ENTPD2: variants seen among roughly 807,000 people sequenced by gnomAD.
The protein encoded by ENTPD2 is ectonucleoside triphosphate diphosphohydrolase 2.
ENTPD2 carries 48 observed loss-of-function variants against 46.8 expected under a neutral mutation model. The ratio of observed to expected loss-of-function variants is 1.03; its 90% CI spans 0.81 to 1.30. ENTPD2 has a LOEUF of 1.30. ENTPD2 is among the 50% of genes most tolerant of loss of function. ENTPD2 has a pLI of 0.00. For synonymous variants in ENTPD2, 316 were observed against 286.1 expected (o/e 1.10, Z -1.06); for missense variants, 707 against 651.1 (o/e 1.09, Z -0.93).
Position 137,051,126 on chromosome 9 carries a change from C to G in ENTPD2, c.550G>C (p.Gly184Arg), listed in dbSNP as rs1167882470. ...NYLLENFIKY[G>R]WVGRWFRPRK... is the part of the protein sequence containing the mutation. ...GGCCGGAACCACCGGCCCACCCAGC[C>G]GTACTGTGGAGAGGGGAGTGTGGGG... Residue 184 changes from glycine to arginine, a missense_variant, in exon 5 of 9, where the codon GGC becomes CGC. Gly to Arg is a moderately radical substitution (Grantham distance 125). Transcript: ENST00000355097. The G allele has an allele frequency of 9.3e-6, 15 of 1,612,842 alleles. No homozygotes were observed. Among genetic ancestry groups the G allele is most frequent in the Non-Finnish European group, 1.3e-5 (15 of 1,179,996 alleles).
rs1832293418 is a variant in ENTPD2, at chr9:137,051,381, CAG to C, written c.387-13_387-12del. 2.6e-6 allele frequency: 4 copies of C among 1,544,052 alleles called. No individual in the cohort carries two copies. The South Asian group carries it at 5.0e-5, about 19-fold the overall frequency. On this transcript the variant is annotated splice_polypyrimidine_tract_variant and intron_variant, in intron 3 of 8. Transcript: ENST00000355097. ...TCTGGATTGGTCAGGCTGCAAAACACAGAGAACTCCAAGAGGCCTTCTCCCCA... is the reference window on the plus strand; with the variant it reads ...TCTGGATTGGTCAGGCTGCAAAACACAGAACTCCAAGAGGCCTTCTCCCCA...
At chr9:137,049,763 C>T in intron 7 of ENTPD2, 107 bp downstream of exon 7, 1 of 1,313,686 alleles carries the variant, frequency 7.6e-7, no homozygotes, top group Non-Finnish European at 1.0e-6. Context: ...ATCGCCCCCA[C>T]TGCAGCGGGT....
Position 137,050,390 on chromosome 9 carries a change from T to C in ENTPD2, c.923A>G (p.His308Arg). 1 of 1,612,604 alleles carries C rather than the reference T, an allele frequency of 6.2e-7. No individual in the cohort carries two copies. The highest frequency in any genetic ancestry group is 1.3e-5 in the African/African-American group (1 of 74,866). Residue 308 changes from histidine to arginine, a missense_variant, in exon 6 of 9, where the codon CAC becomes CGC. By Grantham distance (29) the His-to-Arg change is conservative. Transcript: ENST00000355097. ...CCCAGAAACCAGATCTCGGCAGAGG[T>C]GGGGGTCACTGCTCCCTGACAGGCT... ...RVSLSGSSDP[H>R]LCRDLVSGLF...
Position 137,052,310 on chromosome 9 carries a change from G to A in ENTPD2, c.156C>T (p.Ser52=). The A allele has an allele frequency of 1.2e-6, 2 of 1,612,478 alleles. No homozygotes were observed. Among genetic ancestry groups the A allele is most frequent in the Non-Finnish European group, 1.7e-6 (2 of 1,179,768 alleles). Residue 52 remains serine (S), a synonymous_variant, in exon 2 of 9, where the codon TCC becomes TCT. Transcript: ENST00000355097. The part of the protein sequence containing the change: ...IVLDAGSSHT[S]MFIYKWPADK... Reference sequence around the variant, plus strand: ...CTGCCGGCCACTTGTAGATAAACATGGACGTGTGTGAAGAACCAGCGTCCA... The same window carrying A: ...CTGCCGGCCACTTGTAGATAAACATAGACGTGTGTGAAGAACCAGCGTCCA...
Position 137,050,000 on chromosome 9 carries a change from C to T in ENTPD2, c.1030-11G>A, listed in dbSNP as rs373369155. 7.8e-5 allele frequency: 126 copies of T among 1,609,024 alleles called. No homozygotes were observed. The African/African-American group carries it at 1.4e-3, about 18-fold the overall frequency. On this transcript the variant is annotated splice_polypyrimidine_tract_variant and intron_variant, in intron 6 of 8. Transcript: ENST00000355097. ...GAAGGCAGAGAAGGCCTGTAGGGGG[C>T]GCAGTCACACTGTGACCGAACCCCA...
At position 137,048,994 on chromosome 9, in the gene ENTPD2, G is replaced by C. The variant is rs1327362836; in HGVS notation, c.1231C>G (p.Arg411Gly). ...GAMFVQQLLS[R>G]GYGFDERAFG... ...GCGCGCTCGTCGAAGCCGTAGCCGC[G>C]ACTCAGCAGCTGCTGCACGAACATG... Residue 411 changes from arginine (R) to glycine (G), a missense_variant, in exon 8 of 9, where the codon CGC becomes GGC. Transcript: ENST00000355097. 3 of 1,536,664 alleles carry C rather than the reference G, an allele frequency of 2.0e-6. No individual in the cohort carries two copies. The highest frequency in any genetic ancestry group is 2.6e-6 in the Non-Finnish European group (3 of 1,144,814).
rs1383631254 is a variant in ENTPD2, at chr9:137,051,389, TC to T, written c.387-20del. 2.6e-6 allele frequency: 4 copies of T among 1,540,436 alleles called. No individual in the cohort carries two copies. In the African/African-American group the frequency reaches 5.5e-5, roughly 21 times the overall value. ...GGTCAGGCTGCAAAACACAGAGAAC[TC>T]CAAGAGGCCTTCTCCCCAGGTGGCT... On this transcript the variant is annotated intron_variant, in intron 3 of 8. Coordinates refer to ENST00000355097, the MANE Select transcript of ENTPD2 (RefSeq NM_203468.3).
intron 6 of ENTPD2, 42 bp from the exon 7 acceptor site, chr9:137,050,031 T>A: frequency 6.3e-7 from 1 of 1,584,516 alleles, no homozygotes; most frequent in African/African-American, 1.4e-5. Context: ...CCCCAGCGGC[T>A]CAGAGCACCT....
In ENTPD2 at chr9:137,048,345, T is replaced by G; in HGVS notation, c.*312A>C. The G allele has an allele frequency of 1.9e-4, 55 of 288,632 alleles. No homozygotes were observed. The highest frequency in any genetic ancestry group is 2.8e-4 in the East Asian group (3 of 10,612). 17.9% of individuals were successfully genotyped at this position (288,632 alleles called of 1,614,324 possible). On this transcript the variant is annotated 3_prime_UTR_variant, in exon 9 of 9. Transcript: ENST00000355097. ...GGCTGGAGGGGTTCAAGGAGCTGGATTGAGCGCTCTTTGCCCACCCAGGCT... is the reference window on the plus strand; with the variant it reads ...GGCTGGAGGGGTTCAAGGAGCTGGAGTGAGCGCTCTTTGCCCACCCAGGCT...
chr9:137,053,690 C>A (rs1196850872), intron 1 of ENTPD2, among the ~76,000 whole-genome samples, 191 bp downstream of exon 1: 3 of 152,094 alleles, frequency 2.0e-5, no homozygotes, highest in African/African-American at 7.2e-5. Context: ...AGCGCCACCG[C>A]CCCCCGCCCC....
rs540213991 is a variant in ENTPD2 at position 137,049,932 on chromosome 9, C to T, written c.1087G>A (p.Val363Met). The T allele has an allele frequency of 6.4e-5, 104 of 1,612,522 alleles. 3 individuals carry two copies. The South Asian group carries it at 1.1e-3, about 17-fold the overall frequency. ...DFLRTSMGLP[V>M]ATLQQLEAAA... ...GCCTCCAGCTGCTGCAGGGTGGCCA[C>T]GGGCAGCCCCATCGAAGTCCGCAAA... The change falls in exon 7 of 9, where the codon GTG (valine) becomes ATG (methionine). Residue 363 changes from valine (V) to methionine (M), a missense_variant. Coordinates refer to ENST00000355097, the MANE Select transcript of ENTPD2 (RefSeq NM_203468.3).
Position 137,048,786 on chromosome 9 carries a change from C to G in ENTPD2, c.1359G>C (p.Pro453=), listed in dbSNP as rs1411876390. ...NLTNLIPADP[P]GLRKGTDFSS... is the part of the protein sequence containing the mutation. ...TGAAGTCTGTGCCCTTGCGCAGCCC[C>G]GGCGGGTCGGCGGGGATCAGGTTGG... The change falls in exon 9 of 9, where the codon CCG becomes CCC. Residue 453 remains proline, a synonymous_variant. Coordinates refer to ENST00000355097, the MANE Select transcript of ENTPD2 (RefSeq NM_203468.3). 6.3e-7 allele frequency: 1 copy of G among 1,587,168 alleles called. No individual in the cohort carries two copies. The highest frequency in any genetic ancestry group is 8.6e-7 in the Non-Finnish European group (1 of 1,166,136).
In ENTPD2 at chr9:137,049,892, A is replaced by G. The variant is rs751002470; in HGVS notation, c.1127T>C (p.Val376Ala). The G allele has an allele frequency of 3.7e-6, 6 of 1,611,838 alleles. No individual in the cohort carries two copies. In the South Asian group the frequency reaches 6.6e-5, roughly 18 times the overall value. The change falls in exon 7 of 9, where the codon GTC becomes GCC. Residue 376 changes from valine (V) to alanine (A), a missense_variant. Physicochemically the swap from Val to Ala is moderately conservative, Grantham distance 64. Coordinates refer to ENST00000355097, the MANE Select transcript of ENTPD2 (RefSeq NM_203468.3). The part of the protein sequence containing the change: ...LQQLEAAAVN[V>A]CNQTWAQLQA... Reference sequence around the variant, plus strand: ...CACCTGAGCCCAGGTCTGGTTGCAGACATTCACTGCGGCTGCCTCCAGCTG... The same window carrying G: ...CACCTGAGCCCAGGTCTGGTTGCAGGCATTCACTGCGGCTGCCTCCAGCTG...
rs1391886602 is a variant in ENTPD2 at position 137,052,283 on chromosome 9, G to C, written c.183C>G (p.Asp61Glu). The C allele has an allele frequency of 1.9e-6, 3 of 1,612,288 alleles. No homozygotes were observed. Among genetic ancestry groups the C allele is most frequent in the Non-Finnish European group, 1.7e-6 (2 of 1,179,752 alleles). ...TSMFIYKWPA[D>E]KENDTGIVGQ... ...CCACAATGCCTGTGTCGTTCTCCTTGTCTGCCGGCCACTTGTAGATAAACA... is the reference window on the plus strand; with the variant it reads ...CCACAATGCCTGTGTCGTTCTCCTTCTCTGCCGGCCACTTGTAGATAAACA... Residue 61 changes from aspartate (D) to glutamate (E), a missense_variant, in exon 2 of 9, where the codon GAC becomes GAG. Coordinates refer to ENST00000355097, the MANE Select transcript of ENTPD2 (RefSeq NM_203468.3).
chr9:137,049,542 A>G, intron 7 of ENTPD2: 1 of 431,088 alleles, frequency 2.3e-6, no homozygotes, highest in East Asian at 5.2e-5. Flanking sequence ...CGGTGGGCAC[A>G]CTCCCGGTGC....
Position 137,051,237 on chromosome 9 carries a change from TGGCAGTCA to T in ENTPD2, c.512_519del (p.Val171GlufsTer39), listed in dbSNP as rs768782675. On this transcript the variant is annotated frameshift_variant, in exon 4 of 9. Coordinates refer to ENST00000355097, the MANE Select transcript of ENTPD2 (RefSeq NM_203468.3). LOFTEE classifies it high-confidence loss of function. ...TTGATGAAGTTCTCCAGCAGGTAGTTGGCAGTCACCCAGCCAAACACCCCCTCTTCCTG... is the reference window on the plus strand; with the variant it reads ...TTGATGAAGTTCTCCAGCAGGTAGTTCCCAGCCAAACACCCCCTCTTCCTG... 1.7e-5 allele frequency: 28 copies of T among 1,612,822 alleles called. No homozygotes were observed. Among genetic ancestry groups the T allele is most frequent in the Non-Finnish European group, 2.4e-5 (28 of 1,179,896 alleles).
chr9:137,049,084 C>T lies in ENTPD2; in HGVS notation c.1150-9G>A, dbSNP rs757422958. The T allele has an allele frequency of 1.0e-4, 158 of 1,531,434 alleles. No individual in the cohort carries two copies. The highest frequency in any genetic ancestry group is 1.3e-4 in the Non-Finnish European group (149 of 1,144,214). 94.9% of individuals were successfully genotyped at this position (1,531,434 alleles called of 1,614,324 possible). On this transcript the variant is annotated splice_polypyrimidine_tract_variant and intron_variant, in intron 7 of 8. Coordinates refer to ENST00000355097, the MANE Select transcript of ENTPD2 (RefSeq NM_203468.3). ...GGCACCCGAGCTTGCAGCTGGGACGCGGGCGGGACACCGTCAGGCAGGCGA... is the reference window on the plus strand; with the variant it reads ...GGCACCCGAGCTTGCAGCTGGGACGTGGGCGGGACACCGTCAGGCAGGCGA...
chr9:137,053,610 T>C (rs1832344139), intron 1 of ENTPD2, among the ~76,000 whole-genome samples: 1 of 152,154 alleles, frequency 6.6e-6, no homozygotes, highest in Admixed American at 6.5e-5. Context: ...GCCCCTGGGC[T>C]GCGTTGACGG....
rs1832194540 is a variant in ENTPD2, at chr9:137,048,850, G to C, written c.1295C>G (p.Thr432Ser). 2 of 1,543,462 alleles carry C rather than the reference G, an allele frequency of 1.3e-6. No homozygotes were observed. Among genetic ancestry groups the C allele is most frequent in the Non-Finnish European group, 1.7e-6 (2 of 1,146,610 alleles). The change falls in exon 9 of 9, where the codon ACT (threonine) becomes AGT (serine). Residue 432 changes from threonine (T) to serine (S), a missense_variant. Thr to Ser is a moderately conservative substitution (Grantham distance 58, BLOSUM62 1). Coordinates refer to ENST00000355097, the MANE Select transcript of ENTPD2 (RefSeq NM_203468.3). Reference sequence around the variant, plus strand: ...GTAGCCGAGCGCCCAGCCCACTGCAGTGTCCGCGGCCTGCGGGGAAGGGCG... The same window carrying C: ...GTAGCCGAGCGCCCAGCCCACTGCACTGTCCGCGGCCTGCGGGGAAGGGCG... ...GVIFQKKAAD[T>S]AVGWALGYML...
Sources: allele counts gnomAD v4.1 joint callset (sites outside exome capture counted in the v4.1 genomes callset), GRCh38; gene constraint gnomAD v4.1.1; transcripts MANE v1.5; gene names NCBI Gene and HGNC (gene_info 2026-07-23, HGNC 2026-07-21).